CHST9: variants seen among roughly 807,000 people sequenced by gnomAD.
CHST9 encodes GalNAc-4-sulfotransferase 2.
In CHST9, 41 loss-of-function variants were observed where a neutral mutation model predicts 44.4. The observed-to-expected ratio is 0.92, with a 90% CI of 0.72 to 1.20. The LOEUF is 1.20. Among genes scored for constraint, CHST9 ranks in the 50% most tolerant of loss-of-function variants. The probability of loss-of-function intolerance (pLI) is 0.00; values close to 1 mark genes in which losing one functional copy is unlikely to be tolerated. For missense variants in CHST9, 504 were observed against 516.5 expected (o/e 0.98, Z 0.23); for synonymous variants, 171 against 178.4 (o/e 0.96, Z 0.33).
intron 3 of CHST9, among the ~76,000 whole-genome samples, chr18:27,043,239 C>T (rs191891239): frequency 6.6e-6 from 1 of 152,140 alleles, no homozygotes; most frequent in East Asian, 1.9e-4. Flanking sequence ...CTTTGGAGCT[C>T]ATTCATATCC....
At chr18:27,131,198 G>A (rs181724049) in intron 2 of CHST9, among the ~76,000 whole-genome samples, 18 of 152,166 alleles carry the variant, frequency 1.2e-4, no homozygotes, top group South Asian at 6.2e-4. Flanking sequence ...AAAATCCTAC[G>A]TTCCCCACCG....
chr18:27,160,222 T>C (rs957880795), intron 1 of CHST9, among the ~76,000 whole-genome samples: 3 of 152,216 alleles, frequency 2.0e-5, no homozygotes, highest in African/African-American at 4.8e-5. Context: ...TTTTTGCCCA[T>C]TCAGTATGAT....
intron 3 of CHST9, among the ~76,000 whole-genome samples, chr18:27,024,413 T>A (rs1027458986): frequency 6.6e-6 from 1 of 152,188 alleles, no homozygotes; most frequent in South Asian, 2.1e-4. Context: ...GAGCCTGTAC[T>A]CTTTATGGCA....
chr18:27,148,527 G>A lies in CHST9; in HGVS notation c.-96-5622C>T, dbSNP rs1439449880. ...GCGGTGTTTGGTTTTTTGTCCTTGT[G>A]ATAGTTTGCTGAGAATGATGGTTTC... On this transcript the variant is annotated intron_variant, in intron 1 of 5. Transcript: ENST00000618847. Among the ~76,000 whole-genome samples the A allele has an allele frequency of 8.8e-5, 13 of 147,716 alleles. No homozygotes were observed. In the East Asian group the frequency reaches 1.9e-3, roughly 21 times the overall value.
At chr18:27,054,329 T>C (rs982357743) in intron 2 of CHST9, among the ~76,000 whole-genome samples, 1 of 152,236 alleles carries the variant, frequency 6.6e-6, no homozygotes, top group African/African-American at 2.4e-5. Context: ...TGCTTTATTT[T>C]ATCACAGATT....
chr18:27,118,907 TG>T (rs1332905983), intron 2 of CHST9, among the ~76,000 whole-genome samples: 1 of 151,434 alleles, frequency 6.6e-6, no homozygotes, highest in African/African-American at 2.4e-5. Context: ...TCAAAAATAA[TG>T]AAATCATTAA....
intron 1 of CHST9, among the ~76,000 whole-genome samples, chr18:27,180,992 T>C (rs1224094125): frequency 1.3e-5 from 2 of 152,178 alleles, no homozygotes; most frequent in East Asian, 1.9e-4. Flanking sequence ...AAAGCATCCC[T>C]ACACTTTATG....
intron 1 of CHST9, among the ~76,000 whole-genome samples, chr18:27,176,510 C>G (rs2058869577): frequency 6.6e-6 from 1 of 151,868 alleles, no homozygotes; most frequent in South Asian, 2.1e-4. Flanking sequence ...CCAGATTGGA[C>G]TATGGGAACC....
rs1568084039 is a variant in CHST9, at chr18:26,908,432, GT to G, written c.*7826del. ...AACTCTGTCTCAAAAAAAAAAATAG[GT>G]AAGATGGGGAGGGATAGGAAAATAT... On this transcript the variant is annotated 3_prime_UTR_variant, in exon 6 of 6. Coordinates refer to ENST00000618847, the MANE Select transcript of CHST9 (RefSeq NM_031422.6). 1.3e-5 allele frequency: 2 copies of G among 151,784 alleles called. No individual in the cohort carries two copies. The highest frequency in any genetic ancestry group is 2.9e-5 in the Non-Finnish European group (2 of 67,892). The allele number at this position is 151,784 out of a possible 1,614,324, so 9.4% of individuals were successfully genotyped here. A position where few individuals can be genotyped will look rare whatever the true frequency, so the allele number is the denominator to read the frequency against.
intron 2 of CHST9, among the ~76,000 whole-genome samples, chr18:27,076,140 G>T (rs573226853): frequency 6.6e-6 from 1 of 152,150 alleles, no homozygotes; most frequent in Non-Finnish European, 1.5e-5. Context: ...TTGATAAAAA[G>T]AACTTGGTTT....
At chr18:27,092,837 C>A (rs577023133) in intron 2 of CHST9, among the ~76,000 whole-genome samples, 16 of 152,284 alleles carry the variant, frequency 1.1e-4, no homozygotes, top group Admixed American at 9.2e-4. Flanking sequence ...TATTTTTTTA[C>A]ATTTGCTGAG....
At chr18:26,919,927 C>T in intron 5 of CHST9, among the ~76,000 whole-genome samples, 1 of 152,118 alleles carries the variant, frequency 6.6e-6, no homozygotes, top group Non-Finnish European at 1.5e-5. Context: ...GAGTGATTTC[C>T]CTGCAGCCCA....
At chr18:26,959,320 A>G (rs529383656) in intron 4 of CHST9, among the ~76,000 whole-genome samples, 84 of 152,318 alleles carry the variant, frequency 5.5e-4, no homozygotes, top group African/African-American at 2.0e-3. Context: ...CACTAGAGGG[A>G]GGAGTGATGG....
At chr18:26,961,288 T>C (rs751298684) in intron 4 of CHST9, among the ~76,000 whole-genome samples, 1 of 152,256 alleles carries the variant, frequency 6.6e-6, no homozygotes, top group Non-Finnish European at 1.5e-5. Flanking sequence ...TTTAGAACAA[T>C]GTGTATAACT....
chr18:26,912,515 T>C lies in CHST9; in HGVS notation c.*3744A>G, dbSNP rs1226182494. 1.3e-5 allele frequency: 2 copies of C among 152,036 alleles called. No individual in the cohort carries two copies. Among genetic ancestry groups the C allele is most frequent in the Non-Finnish European group, 2.9e-5 (2 of 68,012 alleles). The allele number at this position is 152,036 out of a possible 1,614,324, so 9.4% of individuals were successfully genotyped here. ...AACGGAAAGCAAAAGTAAATATTGGTTTGTAATATTCTAAGCAAAGAGTTT... is the reference window on the plus strand; with the variant it reads ...AACGGAAAGCAAAAGTAAATATTGGCTTGTAATATTCTAAGCAAAGAGTTT... On this transcript the variant is annotated 3_prime_UTR_variant, in exon 6 of 6. Coordinates refer to ENST00000618847, the MANE Select transcript of CHST9 (RefSeq NM_031422.6).
chr18:26,955,292 C>A (rs2056307303), intron 4 of CHST9, among the ~76,000 whole-genome samples: 1 of 150,022 alleles, frequency 6.7e-6, no homozygotes, highest in Admixed American at 6.6e-5. Flanking sequence ...ACAGTGTGCT[C>A]CAAATTATGG....
intron 4 of CHST9, among the ~76,000 whole-genome samples, chr18:26,979,146 T>C (rs971328750): frequency 6.6e-6 from 1 of 152,176 alleles, no homozygotes; most frequent in Non-Finnish European, 1.5e-5. Flanking sequence ...TTGTGAGAGT[T>C]TGACCATAAA....
At chr18:27,127,037 C>T (rs962511519) in intron 2 of CHST9, among the ~76,000 whole-genome samples, 3 of 152,094 alleles carry the variant, frequency 2.0e-5, no homozygotes, top group East Asian at 1.9e-4. Context: ...ACTACTGAAT[C>T]GGAGTATTCT....
intron 2 of CHST9, among the ~76,000 whole-genome samples, chr18:27,081,186 C>A (rs945102426): frequency 6.6e-6 from 1 of 151,982 alleles, no homozygotes. Context: ...TTAGAAAAAA[C>A]AGTTTGCTGG....
Sources: gnomAD v4.1 joint callset for allele counts (sites outside exome capture counted in the v4.1 genomes callset) on GRCh38, gnomAD v4.1.1 for gene constraint, MANE v1.5 for transcripts, NCBI Gene and HGNC (gene_info 2026-07-23, HGNC 2026-07-21) for gene names.